Variants in ZDHHC11 observed in about 807,000 individuals in gnomAD.
ZDHHC11 encodes the protein zDHHC palmitoyltransferase 11.
ZDHHC11 carries 44 observed loss-of-function variants against 51.3 expected under a neutral mutation model. The observed-to-expected ratio is 0.86, with a 90% CI of 0.67 to 1.10. The LOEUF is 1.10. Ranked by LOEUF, ZDHHC11 falls within the 50% of genes least tolerant of loss-of-function variation. The pLI is 0.00. For missense variants in ZDHHC11, 400 were observed against 537.7 expected (o/e 0.74, Z 2.53); for synonymous variants, 163 against 222.0 (o/e 0.73, Z 2.36).
chr5:846,268 G>A lies in ZDHHC11; in HGVS notation c.503+1246C>T, dbSNP rs532096233. Among the ~76,000 whole-genome samples, 863 of 151,274 alleles carry A rather than the reference G, an allele frequency of 5.7e-3. 61 individuals are homozygous for A. The highest frequency in any genetic ancestry group is 0.02 in the African/African-American group (812 of 40,930). ...AGGCAGGGCAGGGACCGCCCGGTGC[G>A]TCCTGTGACACCAGGCAACGTTGGT... On this transcript the variant is annotated intron_variant, in intron 3 of 12. Coordinates refer to ENST00000283441, the MANE Select transcript of ZDHHC11 (RefSeq NM_024786.3).
At chr5:809,530 G>A (rs1160157752) in intron 11 of ZDHHC11, among the ~76,000 whole-genome samples, 8 of 150,090 alleles carry the variant, frequency 5.3e-5, no homozygotes, top group African/African-American at 9.9e-5. Context: ...CGGAGAACCC[G>A]GAAGGGGCTC....
chr5:844,940 A>G (rs1745883667), intron 3 of ZDHHC11, among the ~76,000 whole-genome samples: 1 of 152,310 alleles, frequency 6.6e-6, no homozygotes, highest in Admixed American at 6.5e-5. Flanking sequence ...TTCTGCCATG[A>G]TGATATTTTT....
At chr5:806,709 A>C (rs1254582697) in intron 11 of ZDHHC11, among the ~76,000 whole-genome samples, 1 of 151,308 alleles carries the variant, frequency 6.6e-6, no homozygotes, top group Non-Finnish European at 1.5e-5. Flanking sequence ...CCAGTGGAAA[A>C]ATGGACTAGG....
chr5:834,483 A>G (rs961524450), intron 6 of ZDHHC11, among the ~76,000 whole-genome samples: 1 of 152,210 alleles, frequency 6.6e-6, no homozygotes, highest in African/African-American at 2.4e-5. Flanking sequence ...CCTCTTGCCC[A>G]TTTGAAAAAC....
intron 10 of ZDHHC11, chr5:816,396 G>C: frequency 2.4e-6 from 1 of 415,836 alleles, no homozygotes; most frequent in Non-Finnish European, 4.8e-6. Context: ...GCAGGCGGTG[G>C]TGGGGTTGGC....
At chr5:829,111 A>C (rs1742725532) in intron 7 of ZDHHC11, among the ~76,000 whole-genome samples, 1 of 137,868 alleles carries the variant, frequency 7.3e-6, no homozygotes, top group Non-Finnish European at 1.6e-5. Flanking sequence ...GAACGAATCA[A>C]ACCCAAACCC....
At chr5:798,407 G>A (rs1281014261) in intron 12 of ZDHHC11, among the ~76,000 whole-genome samples, 1 of 151,414 alleles carries the variant, frequency 6.6e-6, no homozygotes, top group East Asian at 2.0e-4. Context: ...ACACGGACAC[G>A]CGCACGCGTG....
At chr5:806,378 C>A (rs1326753693) in intron 11 of ZDHHC11, among the ~76,000 whole-genome samples, 1 of 151,182 alleles carries the variant, frequency 6.6e-6, no homozygotes, top group Non-Finnish European at 1.5e-5. Flanking sequence ...CTACCTCACA[C>A]CATACACTGA....
intron 8 of ZDHHC11, chr5:824,103 C>G (rs1178126707): frequency 4.4e-6 from 2 of 454,842 alleles, no homozygotes; most frequent in Admixed American, 4.7e-5. Flanking sequence ...CCTGCCCCCA[C>G]AGGGAAGGAG....
chr5:821,275 G>A (rs3734155), intron 9 of ZDHHC11: 35,878 of 150,766 alleles, frequency 0.24, 7,107 homozygotes, highest in African/African-American at 0.52. Context: ...AGTGTACGGC[G>A]ACATTGGAGC....
intron 1 of ZDHHC11, among the ~76,000 whole-genome samples, chr5:848,987 C>G (rs1216475966): frequency 6.6e-6 from 1 of 151,922 alleles, no homozygotes; most frequent in Non-Finnish European, 1.5e-5. Context: ...CATGCCCGGC[C>G]CTGCTCACAT....
chr5:836,832 G>A (rs1378798992), intron 6 of ZDHHC11, among the ~76,000 whole-genome samples: 21 of 150,056 alleles, frequency 1.4e-4, no homozygotes, highest in Middle Eastern at 3.4e-3. Flanking sequence ...AGGCCAAGGC[G>A]GGCGGATCAC....
chr5:851,948 C>T (rs1223947269), upstream of ZDHHC11, among the ~76,000 whole-genome samples: 1 of 151,734 alleles, frequency 6.6e-6, no homozygotes, highest in Non-Finnish European at 1.5e-5. Context: ...CCCAGCTACT[C>T]GGGAGGCTGA....
At chr5:821,520 C>T (rs1741559847) in intron 9 of ZDHHC11, among the ~76,000 whole-genome samples, 1 of 151,412 alleles carries the variant, frequency 6.6e-6, no homozygotes, top group Non-Finnish European at 1.5e-5. Context: ...TGAAAGCGTG[C>T]AGGGCTCACG....
chr5:834,527 GTTTT>G (rs139043410), intron 6 of ZDHHC11, among the ~76,000 whole-genome samples: 1 of 140,752 alleles, frequency 7.1e-6, no homozygotes, highest in Non-Finnish European at 1.6e-5. Context: ...TTTGTTTGTT[GTTTT>G]TTTACAATTG....
intron 11 of ZDHHC11, among the ~76,000 whole-genome samples, chr5:807,836 C>T (rs1329305099): frequency 6.6e-6 from 1 of 151,504 alleles, no homozygotes; most frequent in East Asian, 1.9e-4. Flanking sequence ...GGTTACGGTG[C>T]CAATTAGTTT....
At chr5:835,781 G>C (rs1743747082) in intron 6 of ZDHHC11, among the ~76,000 whole-genome samples, 1 of 151,878 alleles carries the variant, frequency 6.6e-6, no homozygotes, top group African/African-American at 2.4e-5. Context: ...CTCAGTCATG[G>C]TGTGTAGCTT....
chr5:853,286 C>A (rs1465940728), upstream of ZDHHC11, among the ~76,000 whole-genome samples: 1 of 146,044 alleles, frequency 6.8e-6, no homozygotes, highest in Non-Finnish European at 1.5e-5. Flanking sequence ...GGACAGTGAG[C>A]AGCAGGGATA....
At chr5:845,019 C>T (rs1745901953) in intron 3 of ZDHHC11, among the ~76,000 whole-genome samples, 2 of 152,418 alleles carry the variant, frequency 1.3e-5, no homozygotes, top group African/African-American at 4.8e-5. Flanking sequence ...TGTTTAAATC[C>T]CTTTTTCTAT....
Sources: allele counts gnomAD v4.1 joint callset (sites outside exome capture counted in the v4.1 genomes callset), GRCh38; gene constraint gnomAD v4.1.1; transcripts MANE v1.5; gene names NCBI Gene and HGNC (gene_info 2026-07-23, HGNC 2026-07-21).